Variants in ZFHX3 observed in about 807,000 individuals in gnomAD.
ZFHX3 encodes zinc finger homeobox protein 3.
ZFHX3 carries 42 observed loss-of-function variants against 279.1 expected under a neutral mutation model. The observed-to-expected ratio is 0.15, with a 90% CI of 0.12 to 0.19. ZFHX3 has a LOEUF of 0.19. Ranked by LOEUF, ZFHX3 falls within the 10% of genes least tolerant of loss-of-function variation. ZFHX3 has a pLI of 1.00. For missense variants in ZFHX3, 4,981 were observed against 4,754.0 expected, an observed-to-expected ratio of 1.05 and a Z score of -1.40; for synonymous variants, 2,293 against 1,957.8, an observed-to-expected ratio of 1.17 and a Z score of -4.52.
Position 72,969,978 on chromosome 16 carries a change from C to A in ZFHX3, c.-49-9784G>T, listed in dbSNP as rs570864148. 2.0e-5 allele frequency among the ~76,000 whole-genome samples: 3 copies of A among 152,330 alleles called. No individual in the cohort carries two copies. In the South Asian group the frequency reaches 6.2e-4, roughly 32 times the overall value. ...CCACTGCCCAGAAGGCCCAGAGAAT[C>A]GCCCAGGCCGTGGGCCTCCATGTTT... On this transcript the variant is annotated intron_variant, in intron 1 of 9. Transcript: ENST00000268489.
chr16:72,947,667 C>A (rs1247120041), intron 3 of ZFHX3, among the ~76,000 whole-genome samples: 3 of 152,030 alleles, frequency 2.0e-5, no homozygotes, highest in Admixed American at 6.6e-5. Context: ...TGGAGAGCCG[C>A]CCTGGCTGAT....
chr16:73,093,136 C>A (rs375757471), intron 8 of ZFHX3: 1 of 519,934 alleles, frequency 1.9e-6, no homozygotes, highest in Non-Finnish European at 3.8e-6. Flanking sequence ...AGAACAACCC[C>A]GACAGCTGCA....
intron 3 of ZFHX3, among the ~76,000 whole-genome samples, chr16:73,446,946 C>T (rs371519293): frequency 8.6e-5 from 13 of 151,918 alleles, no homozygotes; most frequent in East Asian, 5.8e-4. Context: ...TTTAGGAGGC[C>T]GAGGTGGGTG....
chr16:72,959,915 C>T lies in ZFHX3; in HGVS notation c.231G>A (p.Lys77=), dbSNP rs1254645002. 6.2e-7 allele frequency: 1 copy of T among 1,603,056 alleles called. No individual in the cohort carries two copies. The highest frequency in any genetic ancestry group is 1.3e-5 in the African/African-American group (1 of 74,690). The change falls in exon 2 of 10, where the codon AAG becomes AAA. Residue 77 remains lysine, a synonymous_variant. Transcript: ENST00000268489. The stretch of plus-strand genomic sequence containing the variant: ...CCGAACATTCGTTGCAGGTGACCTC[C>T]TTGCTGGCGGGCTCGGAGGGGGGCC... The part of the protein sequence containing the change: ...SAGPPSEPAS[K]EVTCNECSAS...
At chr16:73,845,819 T>C (rs1683409213) in intron 1 of ZFHX3, among the ~76,000 whole-genome samples, 1 of 152,194 alleles carries the variant, frequency 6.6e-6, no homozygotes, top group African/African-American at 2.4e-5. Context: ...AATTCTTTTT[T>C]CTCTTTTTTT....
At chr16:73,367,565 T>C (rs565474199) in intron 3 of ZFHX3, among the ~76,000 whole-genome samples, 5 of 152,232 alleles carry the variant, frequency 3.3e-5, no homozygotes, top group Non-Finnish European at 5.9e-5. Flanking sequence ...ACCTCCCACA[T>C]GCTTGGTTTC....
At chr16:73,806,641 C>G (rs888913340) in intron 1 of ZFHX3, among the ~76,000 whole-genome samples, 1 of 152,164 alleles carries the variant, frequency 6.6e-6, no homozygotes, top group African/African-American at 2.4e-5. Context: ...ATGTGCCATC[C>G]CATGCTAAGG....
intron 2 of ZFHX3, chr16:73,487,616 A>G (rs2018997640): frequency 3.6e-6 from 1 of 280,406 alleles, no homozygotes; most frequent in African/African-American, 2.2e-5. Flanking sequence ...TGTGTTGCCC[A>G]GGCTAGTCTT....
intron 2 of ZFHX3, among the ~76,000 whole-genome samples, chr16:73,608,347 AT>A (rs2052212122): frequency 6.6e-6 from 1 of 152,172 alleles, no homozygotes; most frequent in South Asian, 2.1e-4. Context: ...TACATAAGAG[AT>A]TCTAACTCAC....
At chr16:73,059,448 G>A (rs1344303374) in exon 1 of ZFHX3, 2 of 146,382 alleles carry the variant, frequency 1.4e-5, no homozygotes, top group Non-Finnish European at 3.0e-5. Context: ...TAGGAACCTG[G>A]CTAAGAATCT....
chr16:73,323,007 T>C (rs904574756), intron 3 of ZFHX3, among the ~76,000 whole-genome samples: 1 of 152,146 alleles, frequency 6.6e-6, no homozygotes, highest in African/African-American at 2.4e-5. Flanking sequence ...CCTTACAACG[T>C]TGGGGATGAA....
At chr16:72,956,384 G>A (rs751861882) in intron 2 of ZFHX3, among the ~76,000 whole-genome samples, 5 of 152,174 alleles carry the variant, frequency 3.3e-5, no homozygotes, top group Admixed American at 1.3e-4. Flanking sequence ...GGGATGGGAC[G>A]CAGGCAGGAT....
intron 3 of ZFHX3, among the ~76,000 whole-genome samples, chr16:73,342,203 A>G (rs2016044632): frequency 6.6e-6 from 1 of 152,218 alleles, no homozygotes; most frequent in South Asian, 2.1e-4. Context: ...CCTTTTCATA[A>G]CTTGTTAGAG....
intron 1 of ZFHX3, among the ~76,000 whole-genome samples, chr16:73,873,019 G>A (rs543575260): frequency 5.5e-5 from 1 of 18,174 alleles, no homozygotes; most frequent in Non-Finnish European, 1.1e-4. Flanking sequence ...GGTGGGTGGC[G>A]GGTGGTGAGT....
chr16:73,080,093 G>A (rs1965927434), intron 8 of ZFHX3, among the ~76,000 whole-genome samples: 1 of 152,106 alleles, frequency 6.6e-6, no homozygotes, highest in Non-Finnish European at 1.5e-5. Context: ...TTTCCAGTTT[G>A]ACTCTCTTCT....
At chr16:73,298,310 G>A (rs1367819027) in intron 4 of ZFHX3, among the ~76,000 whole-genome samples, 5 of 150,536 alleles carry the variant, frequency 3.3e-5, no homozygotes, top group African/African-American at 7.4e-5. Context: ...TCAGCCTCCC[G>A]AGTAGCTGGG....
chr16:72,879,330 TAGCATCTACCCCAACCAG>T (rs1342473589), intron 4 of ZFHX3, among the ~76,000 whole-genome samples: 1 of 152,186 alleles, frequency 6.6e-6, no homozygotes, highest in African/African-American at 2.4e-5. Flanking sequence ...AGGCTCTAGG[TAGCATCTACCCCAACCAG>T]AGCACAAACA....
intron 4 of ZFHX3, among the ~76,000 whole-genome samples, chr16:73,301,502 C>A (rs1325880234): frequency 1.3e-5 from 2 of 152,146 alleles, no homozygotes; most frequent in African/African-American, 4.8e-5. Context: ...CCTACTGGAA[C>A]CTCCATCAGT....
intron 1 of ZFHX3, among the ~76,000 whole-genome samples, chr16:73,009,402 G>A (rs1963833686): frequency 6.6e-6 from 1 of 152,010 alleles, no homozygotes; most frequent in South Asian, 2.1e-4. Context: ...GTATGTAATT[G>A]CAAACACCAC....
Sources: allele counts gnomAD v4.1 joint callset (sites outside exome capture counted in the v4.1 genomes callset), GRCh38; gene constraint gnomAD v4.1.1; transcripts MANE v1.5; gene names NCBI Gene and HGNC (gene_info 2026-07-23, HGNC 2026-07-21).